Variants in ITGA1 observed in about 807,000 individuals in gnomAD.
ITGA1 encodes integrin alpha-1.
A neutral mutation model predicts 145.9 loss-of-function variants in ITGA1; 85 were observed. The observed-to-expected ratio is 0.58, with a 90% CI of 0.49 to 0.70. The LOEUF (loss-of-function observed/expected upper bound fraction) is 0.70, where lower values mean the gene tolerates loss of function less well. Ranked by LOEUF, ITGA1 falls within the 30% of genes least tolerant of loss-of-function variation. The probability of loss-of-function intolerance (pLI) is 0.00; values close to 1 mark genes in which losing one functional copy is unlikely to be tolerated. For synonymous variants in ITGA1, 520 were observed against 495.3 expected (o/e 1.05, Z -0.66); for missense variants, 1,351 against 1,418.7 (o/e 0.95, Z 0.77).
intron 1 of ITGA1, among the ~76,000 whole-genome samples, chr5:52,845,369 G>A (rs78220702): frequency 7.9e-4 from 120 of 152,166 alleles, no homozygotes; most frequent in African/African-American, 2.5e-3. Context: ...GAAATACCAC[G>A]TTACAGAGCT....
Position 52,905,896 on chromosome 5 carries a change from C to T in ITGA1, c.1443C>T (p.Leu481=), listed in dbSNP as rs1750395795. 1 of 1,611,566 alleles carries T rather than the reference C, an allele frequency of 6.2e-7. No individual in the cohort carries two copies. Residue 481 remains leucine, a synonymous_variant, in exon 12 of 29, where the codon CTC becomes CTT. Transcript: ENST00000282588. ...EDGNIKILQT[L]SGEQIGSYFG... is the part of the protein sequence containing the mutation. The stretch of plus-strand genomic sequence containing the variant: ...GAAACATCAAAATTCTCCAGACGCT[C>T]AGTGGAGAACAGGTAAACTTGAAAA...
chr5:52,911,134 T>C (rs1202908824), intron 14 of ITGA1, among the ~76,000 whole-genome samples: 2 of 137,290 alleles, frequency 1.5e-5, no homozygotes, highest in African/African-American at 5.3e-5. Context: ...ATATAGTTTA[T>C]ATATTGTATA....
chr5:52,889,510 G>A (rs1282512785), intron 8 of ITGA1, among the ~76,000 whole-genome samples: 1 of 152,160 alleles, frequency 6.6e-6, no homozygotes, highest in Non-Finnish European at 1.5e-5. Context: ...TGAAAAATCT[G>A]TATCCTTCTT....
intron 1 of ITGA1, among the ~76,000 whole-genome samples, chr5:52,831,228 G>A (rs1363038444): frequency 6.6e-6 from 1 of 152,006 alleles, no homozygotes; most frequent in Non-Finnish European, 1.5e-5. Flanking sequence ...TGCCTCCTGG[G>A]TTCAAGCGAT....
chr5:52,798,157 G>C (rs1328771607), intron 1 of ITGA1, among the ~76,000 whole-genome samples: 1 of 152,154 alleles, frequency 6.6e-6, no homozygotes, highest in African/African-American at 2.4e-5. Context: ...CTTCACACTT[G>C]AGTGTGATTA....
Position 52,800,892 on chromosome 5 carries a change from C to T in ITGA1, c.61+12478C>T, listed in dbSNP as rs765033407. On this transcript the variant is annotated intron_variant, in intron 1 of 28. Transcript: ENST00000282588. ...TCACTCGGGCCAAGGTGGAGGTGAA[C>T]ATCCCTAGGAAAAGGAAAGGCAATT... 7 of 1,613,034 alleles carry T rather than the reference C, an allele frequency of 4.3e-6. No homozygotes were observed. In the East Asian group the frequency reaches 6.7e-5, roughly 15 times the overall value.
intron 19 of ITGA1, among the ~76,000 whole-genome samples, chr5:52,926,167 T>G (rs1211959660): frequency 1.3e-5 from 2 of 152,166 alleles, no homozygotes; most frequent in African/African-American, 4.8e-5. Context: ...TACATAGTAT[T>G]AAAACACTAT....
At chr5:52,915,850 T>C (rs1229426258) in intron 15 of ITGA1, among the ~76,000 whole-genome samples, 5 of 152,194 alleles carry the variant, frequency 3.3e-5, no homozygotes, top group Non-Finnish European at 7.3e-5. Flanking sequence ...TATTCTGTTT[T>C]AGGAGAGGTA....
intron 1 of ITGA1, among the ~76,000 whole-genome samples, chr5:52,834,570 G>GAAGAAAGA (rs1318978030): frequency 7.0e-6 from 1 of 143,084 alleles, no homozygotes; most frequent in African/African-American, 2.6e-5. Flanking sequence ...GAGAAAGAGA[G>GAAGAAAGA]AAGAAAGAAA....
At chr5:52,801,067 G>A (rs1405225661) in intron 1 of ITGA1, 4 of 1,613,152 alleles carry the variant, frequency 2.5e-6, no homozygotes, top group Admixed American at 1.7e-5. Flanking sequence ...GTTTCAACAA[G>A]CAGTGAAGAC....
intron 12 of ITGA1, among the ~76,000 whole-genome samples, chr5:52,907,399 A>G (rs1750427448): frequency 6.6e-6 from 1 of 152,222 alleles, no homozygotes; most frequent in South Asian, 2.1e-4. Context: ...GAAGCATTTT[A>G]GATGACGTCT....
chr5:52,850,757 C>T (rs1561226994), intron 2 of ITGA1, among the ~76,000 whole-genome samples: 1 of 152,166 alleles, frequency 6.6e-6, no homozygotes, highest in African/African-American at 2.4e-5. Flanking sequence ...TCTCAGATGA[C>T]AAACCCAATG....
intron 1 of ITGA1, among the ~76,000 whole-genome samples, chr5:52,822,070 A>C (rs989549111): frequency 5.3e-5 from 8 of 152,232 alleles, no homozygotes; most frequent in Admixed American, 4.6e-4. Flanking sequence ...CAAAATTGGC[A>C]ATGGGACTAT....
chr5:52,931,624 T>C (rs551395919), intron 21 of ITGA1: 5 of 153,318 alleles, frequency 3.3e-5, no homozygotes, highest in East Asian at 3.8e-4. Flanking sequence ...TAATCACTTA[T>C]CTTTACTAAG....
In ITGA1 at chr5:52,954,854, TAA is replaced by T. The variant is rs900472746; in HGVS notation, c.*2409_*2410del. The T allele has an allele frequency of 2.0e-5, 3 of 152,086 alleles. No homozygotes were observed. The highest frequency in any genetic ancestry group is 4.4e-5 in the Non-Finnish European group (3 of 67,994). The allele number at this position is 152,086 out of a possible 1,614,324, so 9.4% of individuals were successfully genotyped here. On this transcript the variant is annotated 3_prime_UTR_variant, in exon 29 of 29. Coordinates refer to ENST00000282588, the MANE Select transcript of ITGA1 (RefSeq NM_181501.2). ...AAAAAACAAGTACAGAGCGTTTGAT[TAA>T]AAAAAGTCAACAAATGTTTCAAAAC... is the stretch of plus-strand genomic sequence containing the variant.
At chr5:52,850,004 T>TTC (rs1417430724) in intron 2 of ITGA1, among the ~76,000 whole-genome samples, 3 of 149,168 alleles carry the variant, frequency 2.0e-5, no homozygotes, top group Non-Finnish European at 4.5e-5. Context: ...TAGATAGGAT[T>TTC]TTTTTTTTTT....
chr5:52,899,770 G>T (rs1750285609), intron 11 of ITGA1, among the ~76,000 whole-genome samples: 1 of 152,146 alleles, frequency 6.6e-6, no homozygotes, highest in African/African-American at 2.4e-5. Flanking sequence ...TAGGGGTTAG[G>T]CTTAAAATTC....
At chr5:52,952,294 T>C in intron 28 of ITGA1, 113 bp from the exon 29 acceptor site, 1 of 494,372 alleles carries the variant, frequency 2.0e-6, no homozygotes, top group Non-Finnish European at 3.7e-6. Context: ...ATTATATTAG[T>C]TGTGTGCCCA....
chr5:52,882,702 T>A (rs1749979171), intron 7 of ITGA1, among the ~76,000 whole-genome samples: 4 of 152,334 alleles, frequency 2.6e-5, no homozygotes, highest in African/African-American at 7.2e-5. Context: ...AGAATTGTCC[T>A]CTCTTACAAA....
Sources: gnomAD v4.1 joint callset for allele counts (sites outside exome capture counted in the v4.1 genomes callset) on GRCh38, gnomAD v4.1.1 for gene constraint, MANE v1.5 for transcripts, NCBI Gene and HGNC (gene_info 2026-07-23, HGNC 2026-07-21) for gene names.